The following SP1 variants were observed in gnomAD, a reference collection of about 807,000 sequenced individuals.
SP1 encodes the protein transcription factor Sp1.
A neutral mutation model predicts 66.3 loss-of-function variants in SP1; 6 were observed. That is an observed-to-expected ratio of 0.09 (90% CI 0.05 to 0.18). The LOEUF (loss-of-function observed/expected upper bound fraction) is 0.18, where lower values mean the gene tolerates loss of function less well. SP1 is among the 10% of genes least tolerant of loss of function. The pLI is 1.00. For synonymous variants in SP1, 417 were observed against 360.8 expected (o/e 1.16, Z -1.77); for missense variants, 848 against 964.5 (o/e 0.88, Z 1.60).
Position 53,382,326 on chromosome 12 carries a change from A to C in SP1, c.379A>C (p.Ser127Arg), listed in dbSNP as rs1409503591. ...TACCTCAAAGGAACAGAGTGGCAGC[A>C]GTACCAATGGCAGCAATGGCAGTGA... is the stretch of plus-strand genomic sequence containing the variant. The part of the protein sequence containing the change: ...TPTSKEQSGS[S>R]TNGSNGSESS... The change falls in exon 3 of 6, where the codon AGT (serine) becomes CGT (arginine). Residue 127 changes from serine (S) to arginine (R), a missense_variant. Coordinates refer to ENST00000327443, the MANE Select transcript of SP1 (RefSeq NM_138473.3). 2 of 1,614,096 alleles carry C rather than the reference A, an allele frequency of 1.2e-6. No homozygotes were observed. The highest frequency in any genetic ancestry group is 1.7e-5 in the Admixed American group (1 of 60,002).
chr12:53,382,796 A>G lies in SP1; in HGVS notation c.849A>G (p.Ala283=). ...CTACCTTGACTCCCAGCTCTCAGGC[A>G]GTCACGATCAGCAGCTCTGGGTCCC... ...SAATLTPSSQ[A]VTISSSGSQE... is the part of the protein sequence containing the mutation. The change falls in exon 3 of 6, where the codon GCA becomes GCG. Residue 283 remains alanine, a synonymous_variant. Transcript: ENST00000327443. 1.9e-6 allele frequency: 3 copies of G among 1,614,184 alleles called. No individual in the cohort carries two copies. The highest frequency in any genetic ancestry group is 2.5e-6 in the Non-Finnish European group (3 of 1,180,018).
At position 53,414,655 on chromosome 12, in the gene SP1, A is replaced by G. The variant is rs571641704; in HGVS notation, c.*3415A>G. ...TTTTTAACAAATCTAAAAAAGCACT[A>G]TGAACTACAGGTGTTTGACTTTCAA... On this transcript the variant is annotated 3_prime_UTR_variant, in exon 6 of 6. Transcript: ENST00000327443. 1 of 152,770 alleles carries G rather than the reference A, an allele frequency of 6.5e-6. No homozygotes were observed. Among genetic ancestry groups the G allele is most frequent in the South Asian group, 2.1e-4 (1 of 4,832 alleles). The allele number at this position is 152,770 out of a possible 1,614,324, so 9.5% of individuals were successfully genotyped here.
intron 3 of SP1, among the ~76,000 whole-genome samples, chr12:53,387,173 G>A (rs1283579950): frequency 2.6e-5 from 4 of 151,810 alleles, no homozygotes; most frequent in East Asian, 3.9e-4. Flanking sequence ...GGCTGGTCTC[G>A]AACTCCTGAC....
chr12:53,403,992 A>C (rs536135364), intron 3 of SP1, among the ~76,000 whole-genome samples: 147 of 151,514 alleles, frequency 9.7e-4, no homozygotes, highest in Non-Finnish European at 1.9e-3. Flanking sequence ...TAACACAGTG[A>C]AACCCCGTCT....
intron 3 of SP1, among the ~76,000 whole-genome samples, chr12:53,392,250 G>A (rs915184978): frequency 2.6e-5 from 4 of 151,816 alleles, no homozygotes; most frequent in Non-Finnish European, 4.4e-5. Flanking sequence ...GCGTGATCTC[G>A]GCTCACTGCA....
rs372491867 is a variant in SP1 at position 53,398,129 on chromosome 12, C to T, written c.1676-8456C>T. On this transcript the variant is annotated intron_variant, in intron 3 of 5. Transcript: ENST00000327443. ...GCTTATAGAAGTAGGATGATTATAACTACTTAATTTCTTGTGATGTAGATT... is the reference window on the plus strand; with the variant it reads ...GCTTATAGAAGTAGGATGATTATAATTACTTAATTTCTTGTGATGTAGATT... Among the ~76,000 whole-genome samples, 268 of 152,254 alleles carry T rather than the reference C, an allele frequency of 1.8e-3. 14 individuals are homozygous for T. In the South Asian group the frequency reaches 0.054, roughly 31 times the overall value.
intron 3 of SP1, among the ~76,000 whole-genome samples, chr12:53,383,864 C>CA (rs1311896891): frequency 6.6e-6 from 1 of 152,108 alleles, no homozygotes; most frequent in Non-Finnish European, 1.5e-5. Context: ...CTGTAATACT[C>CA]AGTGTTTTTG....
At chr12:53,393,956 T>G (rs1938411690) in intron 3 of SP1, among the ~76,000 whole-genome samples, 1 of 151,686 alleles carries the variant, frequency 6.6e-6, no homozygotes, top group African/African-American at 2.4e-5. Flanking sequence ...GCCTCACGCC[T>G]GTAACCCAAG....
intron 3 of SP1, among the ~76,000 whole-genome samples, chr12:53,400,345 C>G (rs1365042607): frequency 6.6e-6 from 1 of 152,084 alleles, no homozygotes; most frequent in Non-Finnish European, 1.5e-5. Context: ...TGTGTTAGTA[C>G]TCTTTTTTTT....
At chr12:53,384,124 C>G (rs1938173114) in intron 3 of SP1, among the ~76,000 whole-genome samples, 1 of 151,716 alleles carries the variant, frequency 6.6e-6, no homozygotes, top group Non-Finnish European at 1.5e-5. Context: ...TGCCTGCCAC[C>G]ACGCCCGGGT....
intron 3 of SP1, 24 bp downstream of exon 3, chr12:53,383,646 T>G: frequency 6.4e-7 from 1 of 1,571,168 alleles, no homozygotes; most frequent in Admixed American, 1.7e-5. Flanking sequence ...TCTTGTGCAT[T>G]TATTGGGAAC....
chr12:53,380,400 AGGC>A (rs949953012), intron 1 of SP1, 102 bp downstream of exon 1: 175 of 1,060,998 alleles, frequency 1.6e-4, no homozygotes, highest in Middle Eastern at 5.1e-4. Flanking sequence ...GGCGGGCGGG[AGGC>A]GGCGGCGGCG....
chr12:53,406,709 G>A lies in SP1; in HGVS notation c.1800G>A (p.Arg600=), dbSNP rs148758982. The change falls in exon 4 of 6, where the codon CGG becomes CGA. Residue 600 remains arginine (R), a synonymous_variant. Transcript: ENST00000327443. ...AACCCCAAGCCGGTCGGAGGACCCG[G>A]CGGGAAGCATGCACCTGCCCCTACT... ...DAQPQAGRRT[R]REACTCPYCK... 1 of 1,614,012 alleles carries A rather than the reference G, an allele frequency of 6.2e-7. No homozygotes were observed. Among genetic ancestry groups the A allele is most frequent in the African/African-American group, 1.3e-5 (1 of 74,932 alleles).
intron 3 of SP1, 75 bp downstream of exon 3, chr12:53,383,697 G>T: frequency 8.3e-7 from 1 of 1,198,676 alleles, no homozygotes; most frequent in African/African-American, 1.5e-5. Flanking sequence ...CTAAAGAAAG[G>T]AATAGAGCCT....
rs1938157187 is a variant in SP1, at chr12:53,383,498, T to G, written c.1551T>G (p.Thr517=). Residue 517 remains threonine (T), a synonymous_variant, in exon 3 of 6, where the codon ACT becomes ACG. Transcript: ENST00000327443. ...SAASIPAGTV[T]VNAAQLSSMP... is the part of the protein sequence containing the mutation. ...CTTCCATTCCTGCTGGCACAGTCAC[T>G]GTGAATGCTGCTCAACTCTCCTCCA... 6.2e-7 allele frequency: 1 copy of G among 1,614,168 alleles called. No individual in the cohort carries two copies. The highest frequency in any genetic ancestry group is 1.3e-5 in the African/African-American group (1 of 75,042).
At position 53,382,247 on chromosome 12, in the gene SP1, T is replaced by G; in HGVS notation, c.300T>G (p.Leu100=). 1 of 1,614,142 alleles carries G rather than the reference T, an allele frequency of 6.2e-7. No homozygotes were observed. Among genetic ancestry groups the G allele is most frequent in the Non-Finnish European group, 8.5e-7 (1 of 1,180,022 alleles). The change falls in exon 3 of 6, where the codon CTT becomes CTG. Residue 100 remains leucine (L), a synonymous_variant. Transcript: ENST00000327443. ...TGELDLTATQ[L]SQGANGWQII... is the part of the protein sequence containing the mutation. Reference sequence around the variant, plus strand: ...AGCTTGACCTCACAGCCACACAACTTTCACAGGGTGCCAATGGCTGGCAGA... The same window carrying G: ...AGCTTGACCTCACAGCCACACAACTGTCACAGGGTGCCAATGGCTGGCAGA...
rs775897921 is a variant in SP1, at chr12:53,409,431, C to T, written c.1914C>T (p.Gly638=). 4 of 1,613,994 alleles carry T rather than the reference C, an allele frequency of 2.5e-6. No homozygotes were observed. The highest frequency in any genetic ancestry group is 4.5e-5 in the East Asian group (2 of 44,874). ...CHIQGCGKVY[G]KTSHLRAHLR... is the part of the protein sequence containing the mutation. ...TCCAAGGCTGTGGGAAAGTGTATGGCAAGACCTCTCACCTGCGGGCACACT... is the reference window on the plus strand; with the variant it reads ...TCCAAGGCTGTGGGAAAGTGTATGGTAAGACCTCTCACCTGCGGGCACACT... Residue 638 remains glycine, a synonymous_variant, in exon 5 of 6, where the codon GGC becomes GGT. Transcript: ENST00000327443.
chr12:53,391,316 G>T (rs1020438394), intron 3 of SP1, among the ~76,000 whole-genome samples: 2 of 147,622 alleles, frequency 1.4e-5, no homozygotes, highest in Admixed American at 1.4e-4. Flanking sequence ...TCCCTTAGAA[G>T]ACTGAGAACT....
At chr12:53,383,863 T>C (rs1398191345) in intron 3 of SP1, among the ~76,000 whole-genome samples, 2 of 152,192 alleles carry the variant, frequency 1.3e-5, no homozygotes, top group Non-Finnish European at 2.9e-5. Context: ...TCTGTAATAC[T>C]CAGTGTTTTT....
Sources: allele counts gnomAD v4.1 joint callset (sites outside exome capture counted in the v4.1 genomes callset), GRCh38; gene constraint gnomAD v4.1.1; transcripts MANE v1.5; gene names NCBI Gene and HGNC (gene_info 2026-07-23, HGNC 2026-07-21).